Variants in LRRK2 observed in about 807,000 individuals in gnomAD.
LRRK2 encodes the protein leucine rich repeat kinase 2.
Under a neutral mutation model 302.6 loss-of-function variants are expected in LRRK2, and 203 were observed. The ratio of observed to expected loss-of-function variants is 0.67; its 90% CI spans 0.60 to 0.75. LRRK2 has a LOEUF of 0.75. Among genes scored for constraint, LRRK2 ranks in the 30% least tolerant of loss-of-function variants. The pLI is 0.00. For synonymous variants in LRRK2, 1,066 were observed against 1,031.9 expected, an observed-to-expected ratio of 1.03 and a Z score of -0.63; for missense variants, 2,830 against 2,951.0, an observed-to-expected ratio of 0.96 and a Z score of 0.95.
chr12:40,225,393 A>G, intron 1 of LRRK2, 111 bp downstream of exon 1: 1 of 1,384,850 alleles, frequency 7.2e-7, no homozygotes, highest in Non-Finnish European at 1.0e-6. Context: ...CGGACTCTTA[A>G]GGAGCCGCAA....
rs1249968595 is a variant in LRRK2 at position 40,240,514 on chromosome 12, G to A, written c.603G>A (p.Glu201=). 2 of 1,612,896 alleles carry A rather than the reference G, an allele frequency of 1.2e-6. No homozygotes were observed. Among genetic ancestry groups the A allele is most frequent in the South Asian group, 1.1e-5 (1 of 91,052 alleles). Reference sequence around the variant, plus strand: ...AGGAGCAACTGACTGAATTTGTTGAGAACAAAGATTATATGATATTGTTAA... The same window carrying A: ...AGGAGCAACTGACTGAATTTGTTGAAAACAAAGATTATATGATATTGTTAA... ...VSEEQLTEFV[E]NKDYMILLSA... Residue 201 remains glutamate, a synonymous_variant, in exon 6 of 51, where the codon GAG becomes GAA. Transcript: ENST00000298910.
At chr12:40,238,686 G>A (rs1941582280) in intron 5 of LRRK2, among the ~76,000 whole-genome samples, 1 of 152,116 alleles carries the variant, frequency 6.6e-6, no homozygotes, top group African/African-American at 2.4e-5. Context: ...TGACAGTACA[G>A]TTCAATTAGC....
Position 40,225,029 on chromosome 12 carries a change from G to A in LRRK2, c.-103G>A, listed in dbSNP as rs1940793014. 10 of 1,486,780 alleles carry A rather than the reference G, an allele frequency of 6.7e-6. No homozygotes were observed. The highest frequency in any genetic ancestry group is 1.9e-5 in the Admixed American group (1 of 53,620). The allele number at this position is 1,486,780 out of a possible 1,614,324, so 92.1% of individuals were successfully genotyped here. A position where few individuals can be genotyped will look rare whatever the true frequency, so the allele number is the denominator to read the frequency against. On this transcript the variant is annotated 5_prime_UTR_variant, in exon 1 of 51. Coordinates refer to ENST00000298910, the MANE Select transcript of LRRK2 (RefSeq NM_198578.4). The stretch of plus-strand genomic sequence containing the variant: ...GCGGGGAGCGCTGGCTGCGGGCGGT[G>A]AGCTGAGCTCGCCCCCGGGGAGCTG...
At chr12:40,303,491 C>A (rs1394471098) in intron 26 of LRRK2, among the ~76,000 whole-genome samples, 1 of 152,052 alleles carries the variant, frequency 6.6e-6, no homozygotes, top group Admixed American at 6.6e-5. Context: ...TTCCTTCAAA[C>A]ACTATGGCTT....
chr12:40,299,900 T>G (rs1944557551), intron 25 of LRRK2, among the ~76,000 whole-genome samples: 1 of 152,114 alleles, frequency 6.6e-6, no homozygotes, highest in Admixed American at 6.6e-5. Flanking sequence ...TTCCTGTGTA[T>G]CTAAAGCTGC....
chr12:40,339,385 G>A (rs1945968609), intron 40 of LRRK2, among the ~76,000 whole-genome samples: 1 of 152,204 alleles, frequency 6.6e-6, no homozygotes, highest in Non-Finnish European at 1.5e-5. Context: ...CATCTAATGT[G>A]ATAATAACAT....
intron 7 of LRRK2, among the ~76,000 whole-genome samples, chr12:40,248,134 C>T (rs1222341228): frequency 1.3e-5 from 2 of 152,072 alleles, no homozygotes; most frequent in African/African-American, 4.8e-5. Flanking sequence ...AAGTCGATTT[C>T]TTAAATCCAG....
chr12:40,321,102 A>G lies in LRRK2; in HGVS notation c.5084A>G (p.Tyr1695Cys), dbSNP rs2136885145. Reference protein sequence around the residue: ...CENSEIIIRLYEMPYFPMGFW... With the variant: ...CENSEIIIRLCEMPYFPMGFW... ...AACTCTGAAATTATCATCCGACTAT[A>G]TGAAATGCCTTATTTTCCAATGGGA... The change falls in exon 35 of 51, where the codon TAT (tyrosine) becomes TGT (cysteine). Residue 1695 changes from tyrosine to cysteine, a missense_variant. Transcript: ENST00000298910. 1 of 1,612,990 alleles carries G rather than the reference A, an allele frequency of 6.2e-7. No homozygotes were observed. The highest frequency in any genetic ancestry group is 8.5e-7 in the Non-Finnish European group (1 of 1,179,116).
intron 39 of LRRK2, among the ~76,000 whole-genome samples, chr12:40,333,501 G>C (rs957936554): frequency 6.6e-6 from 1 of 152,032 alleles, no homozygotes; most frequent in Non-Finnish European, 1.5e-5. Context: ...AAGCGAATCT[G>C]GAATTCAAGC....
At chr12:40,291,320 C>T (rs906017981) in intron 20 of LRRK2, among the ~76,000 whole-genome samples, 2 of 151,678 alleles carry the variant, frequency 1.3e-5, no homozygotes, top group Non-Finnish European at 2.9e-5. Flanking sequence ...AGGAGATACA[C>T]CTAATGTAAA....
intron 47 of LRRK2, among the ~76,000 whole-genome samples, chr12:40,362,341 G>A (rs928958504): frequency 6.6e-6 from 1 of 152,002 alleles, no homozygotes; most frequent in Non-Finnish European, 1.5e-5. Context: ...GTATTTTCAT[G>A]TTATCTATCT....
At chr12:40,353,957 A>T (rs1405282467) in intron 44 of LRRK2, among the ~76,000 whole-genome samples, 1 of 152,218 alleles carries the variant, frequency 6.6e-6, no homozygotes, top group Middle Eastern at 3.2e-3. Flanking sequence ...TCGGCTCGGC[A>T]TCAGAGGGAG....
intron 41 of LRRK2, among the ~76,000 whole-genome samples, chr12:40,343,979 G>T (rs1475803993): frequency 6.6e-6 from 1 of 152,166 alleles, no homozygotes; most frequent in African/African-American, 2.4e-5. Flanking sequence ...TCATGCCAAT[G>T]AAGATATTTA....
chr12:40,285,585 CTA>C (rs1180962513), intron 19 of LRRK2, among the ~76,000 whole-genome samples: 1 of 151,836 alleles, frequency 6.6e-6, no homozygotes, highest in Admixed American at 6.6e-5. Context: ...TGTTAGGAAT[CTA>C]TGATACAGAC....
rs1330479351 is a variant in LRRK2 at position 40,328,385 on chromosome 12, C to T, written c.5682C>T (p.Tyr1894=). ...LLGDGSFGSV[Y]RAAYEGEEVA... ...GTGATGGCAGTTTTGGATCAGTTTA[C>T]CGAGCAGCCTATGAAGGAGAAGAAG... The change falls in exon 39 of 51, where the codon TAC becomes TAT. Residue 1894 remains tyrosine, a synonymous_variant. Transcript: ENST00000298910. 2 of 1,613,402 alleles carry T rather than the reference C, an allele frequency of 1.2e-6. No individual in the cohort carries two copies. The highest frequency in any genetic ancestry group is 1.3e-5 in the African/African-American group (1 of 74,812).
chr12:40,323,414 A>G (rs1286420979), intron 38 of LRRK2, 108 bp downstream of exon 38: 31 of 935,424 alleles, frequency 3.3e-5, no homozygotes, highest in South Asian at 3.4e-5. Flanking sequence ...CTGTCTTCAT[A>G]TATTTGTTAT....
chr12:40,225,557 T>TC lies in LRRK2; in HGVS notation c.156dup (p.Lys53GlnfsTer56). On this transcript the variant is annotated frameshift_variant, in exon 2 of 51. Transcript: ENST00000298910. LOFTEE classifies it high-confidence loss of function. Reference sequence around the variant, plus strand: ...TTCCCCACCCACTTGTTTTCCAGCCTCCAAGTTATTTCAAGGCAAAAATAT... The same window carrying TC: ...TTCCCCACCCACTTGTTTTCCAGCCTCCCAAGTTATTTCAAGGCAAAAATAT... The TC allele has an allele frequency of 6.2e-7, 1 of 1,613,712 alleles. No homozygotes were observed. Among genetic ancestry groups the TC allele is most frequent in the Non-Finnish European group, 8.5e-7 (1 of 1,179,630 alleles).
intron 42 of LRRK2, 25 bp downstream of exon 42, chr12:40,346,948 A>C (rs1330410918): frequency 6.3e-7 from 1 of 1,590,192 alleles, no homozygotes; most frequent in Admixed American, 1.8e-5. Flanking sequence ...CTCTACAATG[A>C]AGATTTTTTT....
At chr12:40,321,945 G>C in intron 35 of LRRK2, 90 bp from the exon 36 acceptor site, 1 of 1,264,294 alleles carries the variant, frequency 7.9e-7, no homozygotes. Context: ...AAAATGAATA[G>C]ATCTGTATTA....
Sources: allele counts gnomAD v4.1 joint callset (sites outside exome capture counted in the v4.1 genomes callset), GRCh38; gene constraint gnomAD v4.1.1; transcripts MANE v1.5; gene names NCBI Gene and HGNC (gene_info 2026-07-23, HGNC 2026-07-21).